Variants in PTPRT observed in about 807,000 individuals in gnomAD.
PTPRT encodes the protein receptor-type tyrosine-protein phosphatase T.
A neutral mutation model predicts 176.8 loss-of-function variants in PTPRT; 56 were observed. That is an observed-to-expected ratio of 0.32 (90% confidence interval 0.26 to 0.40). The LOEUF (loss-of-function observed/expected upper bound fraction) is 0.40, where lower values mean the gene tolerates loss of function less well. Among genes scored for constraint, PTPRT ranks in the 10% least tolerant of loss-of-function variants. PTPRT has a pLI of 1.00. For missense variants in PTPRT, 1,540 were observed against 1,908.2 expected (o/e 0.81, Z 3.60); for synonymous variants, 783 against 739.0 (o/e 1.06, Z -0.96).
chr20:43,129,860 CG>C (rs1261755022), intron 1 of PTPRT, among the ~76,000 whole-genome samples: 1 of 151,824 alleles, frequency 6.6e-6, no homozygotes, highest in Admixed American at 6.6e-5. Context: ...CCTCGTGATC[CG>C]CCCGCCTCGG....
chr20:42,826,241 C>T (rs1409939211), intron 2 of PTPRT, among the ~76,000 whole-genome samples: 1 of 152,178 alleles, frequency 6.6e-6, no homozygotes, highest in Admixed American at 6.5e-5. Flanking sequence ...GTTACACATA[C>T]TTCCCATGCC....
At chr20:42,099,822 G>GA (rs1328169728) in intron 26 of PTPRT, among the ~76,000 whole-genome samples, 1 of 151,840 alleles carries the variant, frequency 6.6e-6, no homozygotes, top group Non-Finnish European at 1.5e-5. Flanking sequence ...TTGGCTGGGG[G>GA]GGCCCTTCTT....
chr20:42,209,324 C>T (rs988051643), intron 15 of PTPRT, among the ~76,000 whole-genome samples: 8 of 151,804 alleles, frequency 5.3e-5, no homozygotes, highest in Admixed American at 1.3e-4. Context: ...AATAGAGACA[C>T]AAAAAACCCT....
intron 9 of PTPRT, among the ~76,000 whole-genome samples, chr20:42,388,284 T>C (rs1008793008): frequency 3.3e-5 from 5 of 152,168 alleles, no homozygotes; most frequent in Non-Finnish European, 7.4e-5. Flanking sequence ...TGGGATCTAA[T>C]TAAACTAAAG....
intron 9 of PTPRT, among the ~76,000 whole-genome samples, chr20:42,422,339 A>G (rs1354392622): frequency 6.6e-6 from 1 of 152,238 alleles, no homozygotes; most frequent in Non-Finnish European, 1.5e-5. Flanking sequence ...ATCTATAAGA[A>G]ACTGAAGCAA....
chr20:42,790,397 T>C (rs1186931377), intron 3 of PTPRT, among the ~76,000 whole-genome samples: 1 of 148,076 alleles, frequency 6.8e-6, no homozygotes, highest in African/African-American at 2.5e-5. Flanking sequence ...CAATCTGTCA[T>C]TGCCATGATT....
chr20:42,715,206 C>A (rs1600652627), intron 6 of PTPRT, among the ~76,000 whole-genome samples: 1 of 152,094 alleles, frequency 6.6e-6, no homozygotes, highest in East Asian at 1.9e-4. Context: ...AAATTCAATA[C>A]CATTTAAGTC....
chr20:43,138,641 C>T (rs1358204122), intron 1 of PTPRT, among the ~76,000 whole-genome samples: 1 of 152,178 alleles, frequency 6.6e-6, no homozygotes. Flanking sequence ...CACAGTCTGA[C>T]CACAGAACCC....
Position 42,836,480 on chromosome 20 carries a change from G to T in PTPRT, c.215-45014C>A, listed in dbSNP as rs370126000. Among the ~76,000 whole-genome samples the T allele has an allele frequency of 1.4e-4, 22 of 152,318 alleles. No individual in the cohort carries two copies. The East Asian group carries it at 4.2e-3, about 29-fold the overall frequency. Reference sequence around the variant, plus strand: ...GATCCTCATGACTCCTTACAAGCTTGGCAATGCGGAACCAAGCAGAGTATT... The same window carrying T: ...GATCCTCATGACTCCTTACAAGCTTTGCAATGCGGAACCAAGCAGAGTATT... On this transcript the variant is annotated intron_variant, in intron 2 of 30. Coordinates refer to ENST00000373187, the MANE Select transcript of PTPRT (RefSeq NM_007050.6).
chr20:42,948,687 G>A (rs909680857), intron 1 of PTPRT, among the ~76,000 whole-genome samples: 2 of 152,180 alleles, frequency 1.3e-5, no homozygotes, highest in Admixed American at 1.3e-4. Context: ...CCTCATGTGA[G>A]TCCTTAAATT....
chr20:43,119,725 T>C (rs1257158459), intron 1 of PTPRT, among the ~76,000 whole-genome samples: 2 of 152,236 alleles, frequency 1.3e-5, no homozygotes, highest in East Asian at 1.9e-4. Flanking sequence ...ATTAATATAA[T>C]GCATAACATC....
At chr20:42,268,175 G>T (rs189918822) in intron 13 of PTPRT, among the ~76,000 whole-genome samples, 2 of 152,078 alleles carry the variant, frequency 1.3e-5, no homozygotes, top group Non-Finnish European at 2.9e-5. Flanking sequence ...ACCAGGGGAC[G>T]AACATTAACA....
chr20:42,239,355 C>T (rs1229997218), intron 14 of PTPRT, among the ~76,000 whole-genome samples: 1 of 150,650 alleles, frequency 6.6e-6, no homozygotes, highest in Non-Finnish European at 1.5e-5. Flanking sequence ...TCAGATCACA[C>T]AGCTAGTAAC....
chr20:43,184,701 G>A (rs922120528), intron 1 of PTPRT, among the ~76,000 whole-genome samples: 1 of 151,610 alleles, frequency 6.6e-6, no homozygotes, highest in Non-Finnish European at 1.5e-5. Flanking sequence ...AAAAAAAACA[G>A]GCCCTAATGA....
intron 2 of PTPRT, among the ~76,000 whole-genome samples, chr20:42,808,711 C>G (rs1453565578): frequency 6.6e-6 from 1 of 152,144 alleles, no homozygotes; most frequent in African/African-American, 2.4e-5. Flanking sequence ...AGTTTTCATA[C>G]AAAGACTCAG....
At chr20:42,707,381 C>T (rs2076076736) in intron 6 of PTPRT, among the ~76,000 whole-genome samples, 1 of 151,954 alleles carries the variant, frequency 6.6e-6, no homozygotes, top group African/African-American at 2.4e-5. Context: ...TACATGGCAC[C>T]CTTGACTCTA....
chr20:43,026,654 C>T (rs1178378185), intron 1 of PTPRT, among the ~76,000 whole-genome samples: 1 of 152,144 alleles, frequency 6.6e-6, no homozygotes, highest in Non-Finnish European at 1.5e-5. Flanking sequence ...TGGCTGTAGT[C>T]ACCCTGTTGT....
At chr20:42,520,626 T>A (rs1338426713) in intron 7 of PTPRT, among the ~76,000 whole-genome samples, 1 of 152,096 alleles carries the variant, frequency 6.6e-6, no homozygotes, top group Non-Finnish European at 1.5e-5. Context: ...ATGCTTACTC[T>A]AACTTCATCT....
In PTPRT at chr20:42,079,550, A is replaced by T. The variant is rs1254354268; in HGVS notation, c.*1329T>A. 2 of 223,620 alleles carry T rather than the reference A, an allele frequency of 8.9e-6. No individual in the cohort carries two copies. The highest frequency in any genetic ancestry group is 8.9e-6 in the Non-Finnish European group (1 of 111,958). 13.9% of individuals were successfully genotyped at this position (223,620 alleles called of 1,614,324 possible). A position where few individuals can be genotyped will look rare whatever the true frequency, so the allele number is the denominator to read the frequency against. On this transcript the variant is annotated 3_prime_UTR_variant, in exon 31 of 31. Coordinates refer to ENST00000373187, the MANE Select transcript of PTPRT (RefSeq NM_007050.6). ...TGTCCTATGGAAAGTGCCAAGCATG[A>T]TCCCTGGCATACAGTAGAGACTTAG... is the stretch of plus-strand genomic sequence containing the variant.
Sources: allele counts gnomAD v4.1 joint callset (sites outside exome capture counted in the v4.1 genomes callset), GRCh38; gene constraint gnomAD v4.1.1; transcripts MANE v1.5; gene names NCBI Gene and HGNC (gene_info 2026-07-23, HGNC 2026-07-21).